LPP: variants seen among roughly 807,000 people sequenced by gnomAD.
LPP encodes LIM domain containing preferred translocation partner in lipoma.
A neutral mutation model predicts 60.4 loss-of-function variants in LPP; 38 were observed. The observed-to-expected ratio is 0.63, with a 90% CI of 0.49 to 0.83. The LOEUF (loss-of-function observed/expected upper bound fraction) is 0.83, where lower values mean the gene tolerates loss of function less well. Ranked by LOEUF, LPP falls within the 40% of genes least tolerant of loss-of-function variation. The pLI, the probability that LPP is intolerant of heterozygous loss-of-function variation, is 0.00. For synonymous variants in LPP, 328 were observed against 290.8 expected (o/e 1.13, Z -1.30); for missense variants, 902 against 783.6 (o/e 1.15, Z -1.80).
intron 3 of LPP, among the ~76,000 whole-genome samples, chr3:188,366,173 A>G (rs1282512308): frequency 1.3e-5 from 2 of 152,194 alleles, no homozygotes; most frequent in South Asian, 2.1e-4. Context: ...CTTAAGCAAC[A>G]TTTCCTCCAG....
intron 5 of LPP, among the ~76,000 whole-genome samples, chr3:188,508,423 C>T (rs1443376788): frequency 6.6e-6 from 1 of 152,196 alleles, no homozygotes; most frequent in African/African-American, 2.4e-5. Flanking sequence ...ACATAAACAG[C>T]TCTGCCTAGA....
intron 6 of LPP, among the ~76,000 whole-genome samples, chr3:188,600,668 T>C (rs1840963634): frequency 6.6e-6 from 1 of 152,148 alleles, no homozygotes; most frequent in African/African-American, 2.4e-5. Context: ...CTATTCAAAC[T>C]GAAATGACAT....
At chr3:188,651,709 A>G (rs1418526374) in intron 7 of LPP, among the ~76,000 whole-genome samples, 1 of 152,148 alleles carries the variant, frequency 6.6e-6, no homozygotes, top group Non-Finnish European at 1.5e-5. Context: ...AAACCATGGG[A>G]TCTCACGAGA....
chr3:188,770,168 C>CTTT (rs57278260), intron 9 of LPP, among the ~76,000 whole-genome samples: 20 of 64,596 alleles, frequency 3.1e-4, no homozygotes, highest in African/African-American at 5.2e-4. Flanking sequence ...AGTTATAATT[C>CTTT]TTTTTTTTTT....
intron 4 of LPP, among the ~76,000 whole-genome samples, chr3:188,416,068 T>G (rs1228387879): frequency 6.6e-6 from 1 of 150,832 alleles, no homozygotes; most frequent in African/African-American, 2.4e-5. Context: ...ATGGAAACTC[T>G]GTACTATTTT....
intron 7 of LPP, among the ~76,000 whole-genome samples, chr3:188,639,096 C>T (rs1218289968): frequency 9.2e-5 from 14 of 151,968 alleles, no homozygotes; most frequent in Admixed American, 2.6e-4. Flanking sequence ...GGAGGCATCA[C>T]GCTACCTGAC....
intron 3 of LPP, among the ~76,000 whole-genome samples, chr3:188,369,459 G>A (rs970398615): frequency 6.6e-6 from 1 of 152,058 alleles, no homozygotes; most frequent in African/African-American, 2.4e-5. Context: ...ATGTGGCCTA[G>A]TCTTTTCATT....
intron 4 of LPP, among the ~76,000 whole-genome samples, chr3:188,422,180 T>A (rs1787985086): frequency 6.6e-6 from 1 of 152,274 alleles, no homozygotes; most frequent in Middle Eastern, 3.4e-3. Flanking sequence ...ATCTTTCCCT[T>A]CCCAGGTTGT....
intron 4 of LPP, among the ~76,000 whole-genome samples, chr3:188,482,699 G>A (rs991057313): frequency 6.6e-6 from 1 of 152,202 alleles, no homozygotes; most frequent in Admixed American, 6.5e-5. Flanking sequence ...TGAATGGAAT[G>A]CATACAGATT....
chr3:188,229,562 G>A (rs1210306814), intron 2 of LPP, among the ~76,000 whole-genome samples: 1 of 152,172 alleles, frequency 6.6e-6, no homozygotes, highest in Non-Finnish European at 1.5e-5. Context: ...TTGCTTGTAT[G>A]TTATTTGCTT....
chr3:188,543,369 CTTTG>C (rs944699686), intron 6 of LPP, among the ~76,000 whole-genome samples: 1 of 152,076 alleles, frequency 6.6e-6, no homozygotes, highest in Non-Finnish European at 1.5e-5. Context: ...CGTATTTTCT[CTTTG>C]TTCTTGGTGA....
chr3:188,216,969 G>C (rs1713873163), intron 1 of LPP, among the ~76,000 whole-genome samples: 1 of 152,170 alleles, frequency 6.6e-6, no homozygotes, highest in Admixed American at 6.5e-5. Flanking sequence ...TCTTTATTGA[G>C]TTTCCACTTA....
At chr3:188,718,639 A>G (rs1426136907) in intron 8 of LPP, among the ~76,000 whole-genome samples, 1 of 152,218 alleles carries the variant, frequency 6.6e-6, no homozygotes, top group Non-Finnish European at 1.5e-5. Context: ...ATTTATGTTT[A>G]GTTCAGTATT....
chr3:188,636,298 C>G (rs1001386766), intron 7 of LPP, among the ~76,000 whole-genome samples: 14 of 152,168 alleles, frequency 9.2e-5, no homozygotes, highest in Admixed American at 2.6e-4. Context: ...GGGTGACAGA[C>G]GGCACCTGGA....
intron 5 of LPP, among the ~76,000 whole-genome samples, chr3:188,504,806 A>G (rs1812973885): frequency 6.6e-6 from 1 of 152,162 alleles, no homozygotes; most frequent in South Asian, 2.1e-4. Context: ...AAAAAAAAAA[A>G]AAGGACTGGC....
At chr3:188,213,304 G>A (rs567506276) in intron 1 of LPP, among the ~76,000 whole-genome samples, 1 of 151,732 alleles carries the variant, frequency 6.6e-6, no homozygotes, top group Admixed American at 6.6e-5. Flanking sequence ...TAGATTTGAT[G>A]AGTTGTCAGA....
chr3:188,693,841 A>G (rs1200284768), intron 7 of LPP, among the ~76,000 whole-genome samples: 3 of 152,234 alleles, frequency 2.0e-5, no homozygotes, highest in Non-Finnish European at 4.4e-5. Context: ...AGCATCAAGA[A>G]TGCGTCACTC....
intron 7 of LPP, among the ~76,000 whole-genome samples, chr3:188,702,433 C>T (rs2149607926): frequency 6.6e-6 from 1 of 151,572 alleles, no homozygotes; most frequent in East Asian, 1.9e-4. Flanking sequence ...CGTCTCAGAA[C>T]ACTGAATTCA....
intron 7 of LPP, among the ~76,000 whole-genome samples, chr3:188,707,258 C>T (rs1045966779): frequency 6.6e-6 from 1 of 151,872 alleles, no homozygotes; most frequent in Non-Finnish European, 1.5e-5. Flanking sequence ...GCACCCATCA[C>T]CCAAGCAGTG....
Sources: allele counts gnomAD v4.1 joint callset (sites outside exome capture counted in the v4.1 genomes callset), GRCh38; gene constraint gnomAD v4.1.1; transcripts MANE v1.5; gene names NCBI Gene and HGNC (gene_info 2026-07-23, HGNC 2026-07-21).